Variants in PHAX observed in about 807,000 individuals in gnomAD.
The protein encoded by PHAX is phosphorylated adaptor for RNA export.
In PHAX, 31 loss-of-function variants were observed where a neutral mutation model predicts 41.6. The ratio of observed to expected loss-of-function variants is 0.75; its 90% CI spans 0.56 to 1.01. The LOEUF is 1.01. PHAX is among the 50% of genes least tolerant of loss of function. The pLI, the probability that PHAX is intolerant of heterozygous loss-of-function variation, is 0.00. For synonymous variants in PHAX, 175 were observed against 164.9 expected (o/e 1.06, Z -0.47); for missense variants, 453 against 472.9 (o/e 0.96, Z 0.39).
At chr5:126,621,605 C>T (rs1752273267) in intron 4 of PHAX, among the ~76,000 whole-genome samples, 2 of 152,136 alleles carry the variant, frequency 1.3e-5, no homozygotes, top group South Asian at 2.1e-4. Flanking sequence ...GAAGCCAGAA[C>T]TTGACTAAGT....
chr5:126,605,262 A>T (rs1318515857), intron 2 of PHAX, among the ~76,000 whole-genome samples: 1 of 152,054 alleles, frequency 6.6e-6, no homozygotes, highest in African/African-American at 2.4e-5. Flanking sequence ...CCTGGGCTTA[A>T]GCAATCCTCC....
intron 4 of PHAX, among the ~76,000 whole-genome samples, chr5:126,620,997 A>G (rs4835915): frequency 2.6e-5 from 4 of 152,078 alleles, no homozygotes; most frequent in Admixed American, 2.6e-4. Context: ...CGGCCTCCCA[A>G]AGTGCTGGAA....
intron 2 of PHAX, among the ~76,000 whole-genome samples, chr5:126,606,195 ATTGTTTGT>A (rs376102342): frequency 6.0e-4 from 90 of 149,610 alleles, no homozygotes; most frequent in African/African-American, 2.1e-3. Flanking sequence ...TGTTTTTTTG[ATTGTTTGT>A]TTGTTTGTTT....
At chr5:126,622,442 ATTTTTTT>A (rs56297404) in intron 4 of PHAX, among the ~76,000 whole-genome samples, 18 of 56,072 alleles carry the variant, frequency 3.2e-4, no homozygotes, top group African/African-American at 1.1e-3. Flanking sequence ...TAATTTTTGT[ATTTTTTT>A]TTTTTTTTTT....
At chr5:126,605,815 A>G (rs10478745) in intron 2 of PHAX, among the ~76,000 whole-genome samples, 23,569 of 152,178 alleles carry the variant, frequency 0.15, 2,441 homozygotes, top group East Asian at 0.31. Flanking sequence ...TTTTTAAATC[A>G]TGGGTTGTTT....
At chr5:126,601,863 C>T (rs1395239960) in intron 1 of PHAX, among the ~76,000 whole-genome samples, 1 of 152,216 alleles carries the variant, frequency 6.6e-6, no homozygotes, top group Non-Finnish European at 1.5e-5. Context: ...CGCGGGGTTT[C>T]ACCATGTTGC....
intron 1 of PHAX, among the ~76,000 whole-genome samples, chr5:126,602,135 C>T (rs1483076663): frequency 6.6e-6 from 1 of 151,866 alleles, no homozygotes; most frequent in Non-Finnish European, 1.5e-5. Flanking sequence ...TTAGTAGAGA[C>T]GGGGGTTCTC....
chr5:126,604,929 G>A (rs953807790), intron 2 of PHAX, among the ~76,000 whole-genome samples: 14 of 152,044 alleles, frequency 9.2e-5, no homozygotes, highest in African/African-American at 3.1e-4. Flanking sequence ...AGCTACTCGG[G>A]AGGCTGAGGC....
intron 3 of PHAX, among the ~76,000 whole-genome samples, chr5:126,614,015 C>T (rs1752146942): frequency 6.6e-6 from 1 of 151,166 alleles, no homozygotes; most frequent in African/African-American, 2.4e-5. Flanking sequence ...GGCACTCAAG[C>T]AATCCATCTG....
chr5:126,616,768 T>C (rs757960122), intron 3 of PHAX, among the ~76,000 whole-genome samples: 6 of 151,260 alleles, frequency 4.0e-5, no homozygotes, highest in Non-Finnish European at 5.9e-5. Context: ...TAATCCCAGC[T>C]ACTCAGGAGG....
intron 2 of PHAX, among the ~76,000 whole-genome samples, chr5:126,607,388 C>CTTTTT (rs58375322): frequency 8.2e-5 from 7 of 85,404 alleles, no homozygotes; most frequent in African/African-American, 1.5e-4. Flanking sequence ...GGTCTGAATT[C>CTTTTT]TTTTTTTTTT....
Position 126,624,008 on chromosome 5 carries a change from G to GTTT in PHAX, c.916-551_916-549dup, listed in dbSNP as rs543154844. On this transcript the variant is annotated intron_variant, in intron 4 of 4. Transcript: ENST00000297540. Reference sequence around the variant, plus strand: ...ACTTTTTGTTTTGGTTTGGTTTTGGGTTTTTTTTTTTTTTTTTTGAGACAC... The same window carrying GTTT: ...ACTTTTTGTTTTGGTTTGGTTTTGGGTTTTTTTTTTTTTTTTTTTTTGAGACAC... 7.2e-3 allele frequency among the ~76,000 whole-genome samples: 931 copies of GTTT among 130,190 alleles called. 22 individuals are homozygous for GTTT. The highest frequency in any genetic ancestry group is 0.021 in the South Asian group (84 of 4,042). The allele number at this position is 130,190 out of a possible 152,430, so 85.4% of individuals were successfully genotyped here. A position where few individuals can be genotyped will look rare whatever the true frequency, so the allele number is the denominator to read the frequency against.
intron 4 of PHAX, among the ~76,000 whole-genome samples, chr5:126,624,192 A>G (rs1752312822): frequency 6.6e-6 from 1 of 151,176 alleles, no homozygotes; most frequent in South Asian, 2.1e-4. Flanking sequence ...TATTTTTAGG[A>G]GAGACAGGGT....
In PHAX at chr5:126,626,442, A is replaced by G. The variant is rs1317302948; in HGVS notation, c.*1598A>G. The stretch of plus-strand genomic sequence containing the variant: ...AACCCCATCTCAACTAAAAATACAA[A>G]AAATACAAAAAATTAGCCGGGCGCG... On this transcript the variant is annotated 3_prime_UTR_variant, in exon 5 of 5. Transcript: ENST00000297540. The G allele has an allele frequency of 6.6e-6, 1 of 152,038 alleles. No homozygotes were observed. Among genetic ancestry groups the G allele is most frequent in the East Asian group, 1.9e-4 (1 of 5,170 alleles). 9.4% of individuals were successfully genotyped at this position (152,038 alleles called of 1,614,324 possible). A position where few individuals can be genotyped will look rare whatever the true frequency, so the allele number is the denominator to read the frequency against.
chr5:126,603,909 A>G lies in PHAX; in HGVS notation c.436A>G (p.Ser146Gly). Residue 146 changes from serine (S) to glycine (G), a missense_variant, in exon 2 of 5, where the codon AGC becomes GGC. By Grantham distance (56) the Ser-to-Gly change is moderately conservative. Transcript: ENST00000297540. ...ILGMEGTIDR[S>G]RQSETYNYLL... is the part of the protein sequence containing the mutation. Reference sequence around the variant, plus strand: ...GGGAATGGAGGGCACTATTGACAGAAGCAGACAATCCGAGACCTACAATTA... The same window carrying G: ...GGGAATGGAGGGCACTATTGACAGAGGCAGACAATCCGAGACCTACAATTA... The G allele has an allele frequency of 1.9e-6, 3 of 1,613,996 alleles. No individual in the cohort carries two copies. In the Admixed American group the frequency reaches 5.0e-5, roughly 27 times the overall value.
intron 3 of PHAX, 136 bp downstream of exon 3, chr5:126,608,620 T>C (rs1752025042): frequency 1.5e-6 from 1 of 689,378 alleles, no homozygotes; most frequent in Middle Eastern, 4.2e-4. Flanking sequence ...TTTTAAACTA[T>C]TATCAACAAT....
In PHAX at chr5:126,624,602, G is replaced by T; in HGVS notation, c.943G>T (p.Glu315Ter). The change falls in exon 5 of 5, where the codon GAA (glutamate) becomes TAA (stop). Residue 315 changes from glutamate to a stop codon, truncating the protein, a stop_gained. Coordinates refer to ENST00000297540, the MANE Select transcript of PHAX (RefSeq NM_032177.4). LOFTEE classifies it high-confidence loss of function. ...KDIFYIENQK[E>*]YENKKAARKR... ...CATTTTCTACATTGAAAACCAAAAG[G>T]AATATGAAAATAAAAAAGCTGCTAG... 2 of 1,601,438 alleles carry T rather than the reference G, an allele frequency of 1.2e-6. No homozygotes were observed. The highest frequency in any genetic ancestry group is 1.1e-5 in the South Asian group (1 of 87,732).
chr5:126,619,390 C>G (rs572672629), intron 4 of PHAX, among the ~76,000 whole-genome samples: 1 of 152,056 alleles, frequency 6.6e-6, no homozygotes, highest in South Asian at 2.1e-4. Flanking sequence ...GCAGCCTGGC[C>G]AGCATGGTGA....
rs377416587 is a variant in PHAX at position 126,624,894 on chromosome 5, A to G, written c.*50A>G. On this transcript the variant is annotated 3_prime_UTR_variant, in exon 5 of 5. Coordinates refer to ENST00000297540, the MANE Select transcript of PHAX (RefSeq NM_032177.4). ...TAAGCCTTTCTAAAATAACATTGTAATAAACCATTTTTACTGAGATTGCAA... is the reference window on the plus strand; with the variant it reads ...TAAGCCTTTCTAAAATAACATTGTAGTAAACCATTTTTACTGAGATTGCAA... 6.6e-7 allele frequency: 1 copy of G among 1,520,664 alleles called. No individual in the cohort carries two copies. Among genetic ancestry groups the G allele is most frequent in the African/African-American group, 1.4e-5 (1 of 71,792 alleles). 94.2% of individuals were successfully genotyped at this position (1,520,664 alleles called of 1,614,324 possible).
Sources: gnomAD v4.1 joint callset for allele counts (sites outside exome capture counted in the v4.1 genomes callset) on GRCh38, gnomAD v4.1.1 for gene constraint, MANE v1.5 for transcripts, NCBI Gene and HGNC (gene_info 2026-07-23, HGNC 2026-07-21) for gene names.